The following OPCML variants were observed in gnomAD, a reference collection of about 807,000 sequenced individuals.
OPCML encodes opioid-binding protein/cell adhesion molecule.
A neutral mutation model predicts 37.8 loss-of-function variants in OPCML; 13 were observed. The ratio of observed to expected loss-of-function variants is 0.34; its 90% CI spans 0.22 to 0.55. The LOEUF (loss-of-function observed/expected upper bound fraction) is 0.55. OPCML is among the 20% of genes least tolerant of loss of function. The pLI, the probability that OPCML is intolerant of heterozygous loss-of-function variation, is 0.91. For synonymous variants in OPCML, 176 were observed against 168.8 expected, an observed-to-expected ratio of 1.04 and a Z score of -0.33; for missense variants, 341 against 435.6, an observed-to-expected ratio of 0.78 and a Z score of 1.93.
At chr11:133,329,095 A>G (rs1237736835) in intron 1 of OPCML, among the ~76,000 whole-genome samples, 3 of 152,220 alleles carry the variant, frequency 2.0e-5, no homozygotes, top group Admixed American at 6.5e-5. Flanking sequence ...TGCTTCAAAG[A>G]GAATAAAATA....
intron 1 of OPCML, among the ~76,000 whole-genome samples, chr11:133,314,764 C>T (rs1236613524): frequency 2.6e-5 from 4 of 152,170 alleles, no homozygotes; most frequent in Non-Finnish European, 2.9e-5. Context: ...CATGTGCCCA[C>T]GGCTCCCAAG....
intron 2 of OPCML, among the ~76,000 whole-genome samples, chr11:132,741,598 G>A (rs7926482): frequency 0.1 from 15,312 of 152,056 alleles, 868 homozygotes; most frequent in African/African-American, 0.13. Flanking sequence ...TGCAATAATC[G>A]TTCTTTAATC....
intron 3 of OPCML, among the ~76,000 whole-genome samples, chr11:132,558,938 A>G (rs937165068): frequency 1.3e-5 from 2 of 152,182 alleles, no homozygotes; most frequent in African/African-American, 4.8e-5. Flanking sequence ...TCCCAACCAG[A>G]GCACAGCTCA....
chr11:132,605,752 T>C (rs933688161), intron 3 of OPCML, among the ~76,000 whole-genome samples: 6 of 152,176 alleles, frequency 3.9e-5, no homozygotes, highest in East Asian at 1.9e-4. Flanking sequence ...CTATCCTAAA[T>C]TGAGACCACA....
intron 2 of OPCML, among the ~76,000 whole-genome samples, chr11:132,831,622 T>C (rs67835144): frequency 0.071 from 10,742 of 152,062 alleles, 434 homozygotes; most frequent in Non-Finnish European, 0.082. Flanking sequence ...CCATCATAAC[T>C]GGTAATAGGG....
chr11:133,140,724 A>AGAC (rs369146961), intron 1 of OPCML, among the ~76,000 whole-genome samples: 1 of 22,152 alleles, frequency 4.5e-5, no homozygotes, highest in Non-Finnish European at 1.4e-4. Flanking sequence ...CGAAGACGGA[A>AGAC]GACGACGACG....
chr11:132,512,290 T>C (rs966350296), intron 4 of OPCML, among the ~76,000 whole-genome samples: 3 of 152,076 alleles, frequency 2.0e-5, no homozygotes, highest in Admixed American at 1.3e-4. Context: ...TGGAAAATAG[T>C]TTGGTGGCTT....
chr11:132,450,945 T>G (rs553510839), intron 4 of OPCML, among the ~76,000 whole-genome samples: 1 of 152,284 alleles, frequency 6.6e-6, no homozygotes, highest in South Asian at 2.1e-4. Flanking sequence ...AAAAGTAACA[T>G]GTGTTCCTTC....
intron 1 of OPCML, among the ~76,000 whole-genome samples, chr11:133,414,016 G>A (rs1448662117): frequency 6.6e-6 from 1 of 152,168 alleles, no homozygotes; most frequent in African/African-American, 2.4e-5. Context: ...ACTTCCATAT[G>A]TGTGTGTGCT....
intron 2 of OPCML, among the ~76,000 whole-genome samples, chr11:132,801,837 T>C (rs895937641): frequency 1.3e-5 from 2 of 152,212 alleles, no homozygotes; most frequent in African/African-American, 4.8e-5. Context: ...TATGTGCTTA[T>C]TATGAAAGAT....
intron 2 of OPCML, among the ~76,000 whole-genome samples, chr11:132,762,429 G>T (rs1946296584): frequency 6.6e-6 from 1 of 152,196 alleles, no homozygotes; most frequent in Non-Finnish European, 1.5e-5. Context: ...TTTCCCCCAG[G>T]TGCTCTGTCC....
intron 2 of OPCML, among the ~76,000 whole-genome samples, chr11:132,907,944 A>T (rs1469245867): frequency 1.3e-5 from 2 of 152,156 alleles, no homozygotes; most frequent in Non-Finnish European, 2.9e-5. Flanking sequence ...TAGGTCTGAG[A>T]GATGTAGAAT....
intron 4 of OPCML, among the ~76,000 whole-genome samples, chr11:132,503,724 G>A (rs1054892116): frequency 2.0e-5 from 3 of 152,058 alleles, no homozygotes; most frequent in African/African-American, 7.2e-5. Flanking sequence ...GACAAAGGAT[G>A]CTAGTTATAA....
At chr11:133,470,987 C>A (rs938965616) in intron 1 of OPCML, among the ~76,000 whole-genome samples, 1 of 152,156 alleles carries the variant, frequency 6.6e-6, no homozygotes, top group Non-Finnish European at 1.5e-5. Context: ...CTAACTGCAT[C>A]CCTACTAAGG....
chr11:133,032,931 A>G lies in OPCML; in HGVS notation c.62-89921T>C, dbSNP rs1222083089. Among the ~76,000 whole-genome samples the G allele has an allele frequency of 2.6e-5, 4 of 152,340 alleles. No homozygotes were observed. The East Asian group carries it at 7.7e-4, about 29-fold the overall frequency. On this transcript the variant is annotated intron_variant, in intron 1 of 7. Coordinates refer to ENST00000524381, the MANE Select transcript of OPCML (RefSeq NM_001012393.5). ...TCCCTTCTGAAGAGAATTTTATCTCAGCACTGCAATGAGGATAGTGAACAT... is the reference window on the plus strand; with the variant it reads ...TCCCTTCTGAAGAGAATTTTATCTCGGCACTGCAATGAGGATAGTGAACAT...
At position 133,357,274 on chromosome 11, in the gene OPCML, C is replaced by T. The variant is rs189198445; in HGVS notation, c.61+174990G>A. Among the ~76,000 whole-genome samples, 548 of 152,284 alleles carry T rather than the reference C, an allele frequency of 3.6e-3. 3 individuals carry two copies. The highest frequency in any genetic ancestry group is 0.012 in the African/African-American group (497 of 41,550). On this transcript the variant is annotated intron_variant, in intron 1 of 7. Transcript: ENST00000524381. ...CTTTGACCAGGGTTCAAACCTGATTCTCCTTCTTAGTAGCTGCCCAACTCT... is the reference window on the plus strand; with the variant it reads ...CTTTGACCAGGGTTCAAACCTGATTTTCCTTCTTAGTAGCTGCCCAACTCT...
intron 1 of OPCML, among the ~76,000 whole-genome samples, chr11:133,106,198 T>A (rs1386891705): frequency 6.6e-6 from 1 of 152,084 alleles, no homozygotes; most frequent in East Asian, 1.9e-4. Flanking sequence ...TAACAATAAT[T>A]TTATCAATTT....
At chr11:133,219,552 GA>G (rs1227909961) in intron 1 of OPCML, among the ~76,000 whole-genome samples, 5 of 152,224 alleles carry the variant, frequency 3.3e-5, no homozygotes, top group Non-Finnish European at 7.3e-5. Flanking sequence ...AGGGCTTGTT[GA>G]AACATAATCC....
chr11:132,579,636 A>C (rs1411940561), intron 3 of OPCML, among the ~76,000 whole-genome samples: 1 of 152,102 alleles, frequency 6.6e-6, no homozygotes, highest in Non-Finnish European at 1.5e-5. Flanking sequence ...CCAGGACCTG[A>C]AGAATTCATT....
Sources: allele counts gnomAD v4.1 joint callset (sites outside exome capture counted in the v4.1 genomes callset), GRCh38; gene constraint gnomAD v4.1.1; transcripts MANE v1.5; gene names NCBI Gene and HGNC (gene_info 2026-07-23, HGNC 2026-07-21).